Variants in PIBF1 observed in about 807,000 individuals in gnomAD.
The protein encoded by PIBF1 is progesterone-induced-blocking factor 1.
PIBF1 carries 90 observed loss-of-function variants against 112.5 expected under a neutral mutation model. The observed-to-expected ratio is 0.80, with a 90% CI of 0.67 to 0.95. The LOEUF is 0.95. Ranked by LOEUF, PIBF1 falls within the 40% of genes least tolerant of loss-of-function variation. PIBF1 has a pLI of 0.00. For missense variants in PIBF1, 915 were observed against 852.3 expected (o/e 1.07, Z -0.92); for synonymous variants, 301 against 288.6 (o/e 1.04, Z -0.44).
intron 11 of PIBF1, among the ~76,000 whole-genome samples, chr13:72,899,448 G>A (rs1330305941): frequency 5.3e-5 from 8 of 152,098 alleles, no homozygotes; most frequent in Admixed American, 3.3e-4. Flanking sequence ...TTTCATACCA[G>A]GGATGCTGGA....
At chr13:72,991,117 A>G (rs1212588273) in intron 16 of PIBF1, among the ~76,000 whole-genome samples, 1 of 152,248 alleles carries the variant, frequency 6.6e-6, no homozygotes, top group African/African-American at 2.4e-5. Context: ...ACTTTCAGCA[A>G]TTTATTGGCA....
At chr13:72,855,694 G>T (rs916550485) in intron 10 of PIBF1, among the ~76,000 whole-genome samples, 1 of 152,060 alleles carries the variant, frequency 6.6e-6, no homozygotes, top group Non-Finnish European at 1.5e-5. Context: ...AGATCATGGT[G>T]TAAAAGATCA....
At chr13:73,010,229 G>GTTTT (rs35486011) in intron 17 of PIBF1, among the ~76,000 whole-genome samples, 6 of 123,562 alleles carry the variant, frequency 4.9e-5, no homozygotes, top group Non-Finnish European at 9.8e-5. Context: ...TTCTATGCTA[G>GTTTT]TTTTTTTTTT....
intron 10 of PIBF1, among the ~76,000 whole-genome samples, chr13:72,890,185 T>C (rs1331387413): frequency 6.6e-6 from 1 of 152,176 alleles, no homozygotes; most frequent in Non-Finnish European, 1.5e-5. Flanking sequence ...CCAGTACTTT[T>C]ATTACCAAAT....
chr13:72,831,426 A>C (rs566376297), intron 8 of PIBF1, among the ~76,000 whole-genome samples: 11 of 152,262 alleles, frequency 7.2e-5, no homozygotes, highest in African/African-American at 2.6e-4. Flanking sequence ...CCCTCTACAC[A>C]CTGCTTTAAA....
chr13:72,882,590 GA>G (rs1404259456), intron 10 of PIBF1, among the ~76,000 whole-genome samples: 4 of 152,038 alleles, frequency 2.6e-5, no homozygotes, highest in East Asian at 3.9e-4. Context: ...AACTCAGTAG[GA>G]AAAAAATCTA....
At chr13:72,949,068 G>A (rs549554365) in intron 14 of PIBF1, among the ~76,000 whole-genome samples, 7 of 152,218 alleles carry the variant, frequency 4.6e-5, no homozygotes, top group Admixed American at 2.0e-4. Context: ...GTTCCTGATG[G>A]ATGTGTTATT....
chr13:72,798,611 T>C (rs1290333374), intron 5 of PIBF1, among the ~76,000 whole-genome samples: 2 of 152,190 alleles, frequency 1.3e-5, no homozygotes, highest in African/African-American at 4.8e-5. Context: ...ATAGTAATCA[T>C]AAATCAACAT....
At chr13:72,906,544 T>C (rs2040711020) in intron 11 of PIBF1, among the ~76,000 whole-genome samples, 1 of 152,134 alleles carries the variant, frequency 6.6e-6, no homozygotes, top group Non-Finnish European at 1.5e-5. Flanking sequence ...GAAGCAGTAA[T>C]AGGTTTACTT....
At chr13:73,008,136 A>G (rs553491969) in intron 17 of PIBF1, among the ~76,000 whole-genome samples, 23 of 152,350 alleles carry the variant, frequency 1.5e-4, no homozygotes, top group African/African-American at 5.5e-4. Context: ...ATGCTAATGT[A>G]ATTAACAGAG....
intron 14 of PIBF1, among the ~76,000 whole-genome samples, chr13:72,946,955 G>A (rs2042165237): frequency 6.6e-6 from 1 of 152,170 alleles, no homozygotes; most frequent in African/African-American, 2.4e-5. Context: ...CTGGGGTCTG[G>A]AAGACGGTGG....
At position 72,956,807 on chromosome 13, in the gene PIBF1, C is replaced by G. The variant is rs138427233; in HGVS notation, c.1834-8467C>G. On this transcript the variant is annotated intron_variant, in intron 14 of 17. Coordinates refer to ENST00000326291, the MANE Select transcript of PIBF1 (RefSeq NM_006346.4). ...CAAGCCCAGTGAGTATAAGAATCAT[C>G]AAAAATTCTAGCTGGAAGAAAAAAA... Among the ~76,000 whole-genome samples the G allele has an allele frequency of 1.8e-3, 267 of 152,138 alleles. 2 individuals carry two copies. The highest frequency in any genetic ancestry group is 3.4e-3 in the Non-Finnish European group (230 of 67,992).
At chr13:73,000,494 G>C (rs2043824436) in intron 17 of PIBF1, among the ~76,000 whole-genome samples, 1 of 152,214 alleles carries the variant, frequency 6.6e-6, no homozygotes, top group African/African-American at 2.4e-5. Context: ...GCCGAGGACT[G>C]TTTATTAAGG....
At chr13:72,986,811 C>T (rs1467301159) in intron 16 of PIBF1, among the ~76,000 whole-genome samples, 1 of 151,966 alleles carries the variant, frequency 6.6e-6, no homozygotes, top group African/African-American at 2.4e-5. Context: ...CTGCCTCAGC[C>T]TCCCGAGTAG....
rs376933878 is a variant in PIBF1 at position 72,827,893 on chromosome 13, A to G, written c.1076A>G (p.Tyr359Cys). The change falls in exon 8 of 18, where the codon TAT becomes TGT. Residue 359 changes from tyrosine to cysteine, a missense_variant. Transcript: ENST00000326291. Reference protein sequence around the residue: ...EESKKAREEMYEKYVASRDHY... With the variant: ...EESKKAREEMCEKYVASRDHY... ...AGCAAAAAGGCTAGAGAAGAGATGT[A>G]TGAAAAATATGTAGCATCCAGGCAA... is the stretch of plus-strand genomic sequence containing the variant. 3 of 1,576,852 alleles carry G rather than the reference A, an allele frequency of 1.9e-6. No homozygotes were observed. The highest frequency in any genetic ancestry group is 2.6e-6 in the Non-Finnish European group (3 of 1,160,962).
Position 72,806,090 on chromosome 13 carries a change from G to T in PIBF1, c.672+8064G>T, listed in dbSNP as rs9564919. Among the ~76,000 whole-genome samples the T allele has an allele frequency of 5.7e-3, 863 of 152,274 alleles. 22 individuals are homozygous for T. Among genetic ancestry groups the T allele is most frequent in the Admixed American group, 0.04 (615 of 15,294 alleles). ...GTGAATAACATAACATTAAATTTAA[G>T]ACTTTATTTTCATGTATACAATTCA... On this transcript the variant is annotated intron_variant, in intron 5 of 17. Transcript: ENST00000326291.
rs530979231 is a variant in PIBF1 at position 72,848,199 on chromosome 13, C to A, written c.1224-5858C>A. Reference sequence around the variant, plus strand: ...TTAGGGATGTTTATTCAGGCTCAGACGTATTCCTTGCATTGCCAAACTCTG... The same window carrying A: ...TTAGGGATGTTTATTCAGGCTCAGAAGTATTCCTTGCATTGCCAAACTCTG... On this transcript the variant is annotated intron_variant, in intron 9 of 17. Coordinates refer to ENST00000326291, the MANE Select transcript of PIBF1 (RefSeq NM_006346.4). 1.4e-3 allele frequency among the ~76,000 whole-genome samples: 214 copies of A among 152,264 alleles called. 1 individual carries two copies. Among genetic ancestry groups the A allele is most frequent in the African/African-American group, 5.1e-3 (210 of 41,570 alleles).
In PIBF1 at chr13:72,863,356, A is replaced by G. The variant is rs376197240; in HGVS notation, c.1322+9201A>G. ...AAAAAATAAAATTTTTTCCACATTAATAAGTGACTCAGGGCCAGGGCGCGG... is the reference window on the plus strand; with the variant it reads ...AAAAAATAAAATTTTTTCCACATTAGTAAGTGACTCAGGGCCAGGGCGCGG... On this transcript the variant is annotated intron_variant, in intron 10 of 17. Coordinates refer to ENST00000326291, the MANE Select transcript of PIBF1 (RefSeq NM_006346.4). Among the ~76,000 whole-genome samples the G allele has an allele frequency of 5.9e-5, 9 of 152,236 alleles. No homozygotes were observed. The East Asian group carries it at 9.6e-4, about 16-fold the overall frequency.
chr13:72,904,947 A>G (rs1366254247), intron 11 of PIBF1, among the ~76,000 whole-genome samples: 1 of 151,942 alleles, frequency 6.6e-6, no homozygotes, highest in African/African-American at 2.4e-5. Context: ...ACTCATTTTA[A>G]TGTTTTATTT....
Sources: gnomAD v4.1 joint callset for allele counts (sites outside exome capture counted in the v4.1 genomes callset) on GRCh38, gnomAD v4.1.1 for gene constraint, MANE v1.5 for transcripts, NCBI Gene and HGNC (gene_info 2026-07-23, HGNC 2026-07-21) for gene names.